CDH3: variants seen among roughly 807,000 people sequenced by gnomAD.
CDH3 encodes the protein cadherin 3.
Under a neutral mutation model 82.0 loss-of-function variants are expected in CDH3, and 54 were observed. The ratio of observed to expected loss-of-function variants is 0.66; its 90% CI spans 0.53 to 0.83. The LOEUF is 0.83. Among genes scored for constraint, CDH3 ranks in the 40% least tolerant of loss-of-function variants. The pLI is 0.00. For synonymous variants in CDH3, 446 were observed against 437.9 expected, an observed-to-expected ratio of 1.02 and a Z score of -0.23; for missense variants, 1,054 against 1,084.6, an observed-to-expected ratio of 0.97 and a Z score of 0.40.
intron 1 of CDH3, among the ~76,000 whole-genome samples, chr16:68,709,109 C>G (rs190329308): frequency 6.6e-6 from 1 of 152,210 alleles, no homozygotes; most frequent in Non-Finnish European, 1.5e-5. Context: ...CAAGGTCTCA[C>G]TCCATCTACT....
intron 2 of CDH3, among the ~76,000 whole-genome samples, chr16:68,661,525 TTAGAC>T (rs1395849299): frequency 2.0e-5 from 3 of 152,232 alleles, no homozygotes; most frequent in African/African-American, 7.2e-5. Context: ...ACATATTTCT[TTAGAC>T]TAGATTTCTG....
At chr16:68,672,887 G>A (rs1567445229) in intron 2 of CDH3, among the ~76,000 whole-genome samples, 1 of 152,128 alleles carries the variant, frequency 6.6e-6, no homozygotes, top group Non-Finnish European at 1.5e-5. Context: ...CCTTTGCCTG[G>A]ATGAGTTTTG....
chr16:68,661,286 G>A (rs1960569994), intron 2 of CDH3, among the ~76,000 whole-genome samples: 1 of 152,216 alleles, frequency 6.6e-6, no homozygotes, highest in Non-Finnish European at 1.5e-5. Context: ...GAGCCACTGT[G>A]TCTGGGTTGA....
rs746847317 is a variant in CDH3, at chr16:68,698,193, C to T, written c.2283C>T (p.Asn761=). The T allele has an allele frequency of 6.2e-7, 1 of 1,614,064 alleles. No homozygotes were observed. Among genetic ancestry groups the T allele is most frequent in the Admixed American group, 1.7e-5 (1 of 60,002 alleles). ...CTACCTGTTCTCTGTTGCCGCAGAA[C>T]CTGAAGGCGGCTAACACAGACCCCA... The part of the protein sequence containing the change: ...PDEIGNFIIE[N]LKAANTDPTA... Residue 761 remains asparagine, a splice_region_variant and synonymous_variant, in exon 16 of 16, where the codon AAC becomes AAT. Coordinates refer to ENST00000264012, the MANE Select transcript of CDH3 (RefSeq NM_001793.6).
At chr16:68,704,197 G>A (rs1961932174), downstream of CDH3, among the ~76,000 whole-genome samples, 1 of 151,064 alleles carries the variant, frequency 6.6e-6, no homozygotes. Context: ...TGAGGCAGGA[G>A]AATGGCGTGA....
chr16:68,719,692 G>C (rs1488176670), intron 1 of CDH3, among the ~76,000 whole-genome samples: 1 of 151,644 alleles, frequency 6.6e-6, no homozygotes, highest in African/African-American at 2.4e-5. Flanking sequence ...TTAGAGACGG[G>C]GTTTCACCAT....
chr16:68,686,721 C>A, intron 11 of CDH3: 1 of 729,372 alleles, frequency 1.4e-6, no homozygotes, highest in Non-Finnish European at 2.5e-6. Flanking sequence ...CAACGTGAAG[C>A]TGCCCATTCC....
At chr16:68,733,219 A>G in the CDH3 span, among the ~76,000 whole-genome samples, 1 of 152,138 alleles carries the variant, frequency 6.6e-6, no homozygotes, top group Non-Finnish European at 1.5e-5. Flanking sequence ...CCAGTGCTCA[A>G]ATGATCCTCC....
At chr16:68,726,214 C>A (rs1962217515) in intron 2 of CDH3, among the ~76,000 whole-genome samples, 1 of 152,132 alleles carries the variant, frequency 6.6e-6, no homozygotes, top group African/African-American at 2.4e-5. Flanking sequence ...TCAGTCACCT[C>A]TTCTGGGAAA....
downstream of CDH3, among the ~76,000 whole-genome samples, chr16:68,701,565 A>C (rs1313326206): frequency 8.9e-6 from 1 of 112,380 alleles, no homozygotes; most frequent in East Asian, 2.5e-4. Context: ...TTTTTTTTTG[A>C]GACAGAGTCT....
intron 2 of CDH3, chr16:68,651,136 C>A: frequency 2.2e-6 from 1 of 455,554 alleles, no homozygotes; most frequent in South Asian, 1.7e-5. Flanking sequence ...GCCTTGTGGG[C>A]AGTAGTTGGA....
At chr16:68,697,150 C>T (rs759629816) in intron 15 of CDH3, among the ~76,000 whole-genome samples, 73 of 152,004 alleles carry the variant, frequency 4.8e-4, no homozygotes, top group Non-Finnish European at 9.3e-4. Context: ...TGGTAAAACC[C>T]TGTCTCTACT....
At chr16:68,689,883 T>C (rs1961518070) in intron 12 of CDH3, among the ~76,000 whole-genome samples, 1 of 152,010 alleles carries the variant, frequency 6.6e-6, no homozygotes, top group South Asian at 2.1e-4. Flanking sequence ...ATTGCCCCAG[T>C]GATTGGGGGC....
chr16:68,679,035 C>T, intron 6 of CDH3, 129 bp downstream of exon 6: 2 of 927,608 alleles, frequency 2.2e-6, no homozygotes, highest in Non-Finnish European at 3.3e-6. Flanking sequence ...ATCCAGATTT[C>T]CCCCCTTCCA....
At chr16:68,687,411 A>G (rs1426064094) in intron 11 of CDH3, 101 bp from the exon 12 acceptor site, 5 of 838,090 alleles carry the variant, frequency 6.0e-6, no homozygotes, top group Non-Finnish European at 8.2e-6. Context: ...AAGGGCATGG[A>G]AGGTCTTGAG....
the CDH3 span, among the ~76,000 whole-genome samples, chr16:68,733,694 A>G: frequency 2.0e-5 from 3 of 152,214 alleles, no homozygotes; most frequent in African/African-American, 7.2e-5. Flanking sequence ...GTGAGCCGAG[A>G]TCGCGCCATT....
chr16:68,711,151 A>G (rs1962025133), intron 1 of CDH3, among the ~76,000 whole-genome samples: 1 of 151,744 alleles, frequency 6.6e-6, no homozygotes, highest in Admixed American at 6.6e-5. Flanking sequence ...TCCCTACTAA[A>G]AATACAAAAC....
chr16:68,687,570 C>T lies in CDH3; in HGVS notation c.1629C>T (p.Asp543=). ...TGCTAACACTGATTGATGTCAATGA[C>T]CATGGCCCAGTCCCTGAGCCCCGTC... is the stretch of plus-strand genomic sequence containing the variant. ...TLLLTLIDVN[D]HGPVPEPRQI... The change falls in exon 12 of 16, where the codon GAC becomes GAT. Residue 543 remains aspartate (D), a synonymous_variant. Coordinates refer to ENST00000264012, the MANE Select transcript of CDH3 (RefSeq NM_001793.6). The T allele has an allele frequency of 6.2e-7, 1 of 1,614,140 alleles. No homozygotes were observed. The highest frequency in any genetic ancestry group is 8.5e-7 in the Non-Finnish European group (1 of 1,180,028).
At chr16:68,726,112 T>C (rs1000348284) in intron 2 of CDH3, among the ~76,000 whole-genome samples, 3 of 152,158 alleles carry the variant, frequency 2.0e-5, no homozygotes, top group South Asian at 2.1e-4. Context: ...AACTGAAGTC[T>C]ATGCTGGGAA....
Sources: gnomAD v4.1 joint callset for allele counts (sites outside exome capture counted in the v4.1 genomes callset) on GRCh38, gnomAD v4.1.1 for gene constraint, MANE v1.5 for transcripts, NCBI Gene and HGNC (gene_info 2026-07-23, HGNC 2026-07-21) for gene names.